Variants in ZMIZ1 observed in about 807,000 individuals in gnomAD.
The protein encoded by ZMIZ1 is zinc finger MIZ domain-containing protein 1.
ZMIZ1 carries 17 observed loss-of-function variants against 113.9 expected under a neutral mutation model. The ratio of observed to expected loss-of-function variants is 0.15; its 90% CI spans 0.10 to 0.22. The LOEUF (loss-of-function observed/expected upper bound fraction) is 0.22. ZMIZ1 is among the 10% of genes least tolerant of loss of function. ZMIZ1 has a pLI of 1.00. For synonymous variants in ZMIZ1, 607 were observed against 603.1 expected, an observed-to-expected ratio of 1.01 and a Z score of -0.09; for missense variants, 1,059 against 1,477.8, an observed-to-expected ratio of 0.72 and a Z score of 4.65.
chr10:79,258,969 A>G (rs1270799437), intron 7 of ZMIZ1, among the ~76,000 whole-genome samples: 1 of 152,198 alleles, frequency 6.6e-6, no homozygotes, highest in Non-Finnish European at 1.5e-5. Flanking sequence ...CCCTCTCCCA[A>G]GATAAATGTG....
chr10:79,117,697 C>T (rs548871291), intron 1 of ZMIZ1, among the ~76,000 whole-genome samples: 3 of 152,272 alleles, frequency 2.0e-5, no homozygotes, highest in African/African-American at 7.2e-5. Flanking sequence ...ACTATTCTTC[C>T]AAGTGGTGGG....
At chr10:79,108,962 G>T (rs1478972930) in intron 1 of ZMIZ1, among the ~76,000 whole-genome samples, 1 of 152,066 alleles carries the variant, frequency 6.6e-6, no homozygotes, top group Non-Finnish European at 1.5e-5. Flanking sequence ...CACGTGCTCT[G>T]TGTGCACCTG....
At chr10:79,113,568 C>G (rs1843845786) in intron 1 of ZMIZ1, among the ~76,000 whole-genome samples, 1 of 152,212 alleles carries the variant, frequency 6.6e-6, no homozygotes, top group South Asian at 2.1e-4. Flanking sequence ...CAGGCCCCCA[C>G]CCCACAGGCT....
intron 1 of ZMIZ1, among the ~76,000 whole-genome samples, chr10:79,071,297 ACTC>A (rs1020787952): frequency 1.3e-4 from 20 of 151,838 alleles, no homozygotes; most frequent in Non-Finnish European, 2.6e-4. Flanking sequence ...ACCAGTGCCG[ACTC>A]CTCCTCCCTG....
At chr10:79,142,736 C>T (rs780445066) in intron 3 of ZMIZ1, among the ~76,000 whole-genome samples, 7 of 152,240 alleles carry the variant, frequency 4.6e-5, no homozygotes, top group African/African-American at 1.4e-4. Context: ...CCTGGCCAAG[C>T]ATCTTGCCCT....
chr10:79,283,370 G>A (rs1852861475), intron 8 of ZMIZ1, among the ~76,000 whole-genome samples: 1 of 152,184 alleles, frequency 6.6e-6, no homozygotes, highest in South Asian at 2.1e-4. Flanking sequence ...TTCCTCATCT[G>A]TAGAAGGGGA....
In ZMIZ1 at chr10:79,166,542, C is replaced by G. The variant is rs755822682; in HGVS notation, c.-50+4409C>G. 3.3e-5 allele frequency among the ~76,000 whole-genome samples: 5 copies of G among 152,234 alleles called. 1 individual carries two copies. The highest frequency in any genetic ancestry group is 7.3e-5 in the Non-Finnish European group (5 of 68,044). ...AGCCCACCCTGCAGCTGCCCTGTACCGTCCTGGGCATGTGGGTTGCTGGCC... is the reference window on the plus strand; with the variant it reads ...AGCCCACCCTGCAGCTGCCCTGTACGGTCCTGGGCATGTGGGTTGCTGGCC... On this transcript the variant is annotated intron_variant, in intron 4 of 24. Coordinates refer to ENST00000334512, the MANE Select transcript of ZMIZ1 (RefSeq NM_020338.4).
chr10:79,069,688 T>C lies in ZMIZ1; in HGVS notation c.-337+418T>C, dbSNP rs1842187206. Among the ~76,000 whole-genome samples, 1 of 152,070 alleles carries C rather than the reference T, an allele frequency of 6.6e-6. No individual in the cohort carries two copies. Among genetic ancestry groups the C allele is most frequent in the Admixed American group, 6.5e-5 (1 of 15,282 alleles). On this transcript the variant is annotated intron_variant, in intron 1 of 24. Coordinates refer to ENST00000334512, the MANE Select transcript of ZMIZ1 (RefSeq NM_020338.4). The surrounding 1 kb of genome is among the most constrained non-coding windows in gnomAD (Gnocchi z 4.6). ...GTCTCCTTCGCCTCCTCTGGGGAGA[T>C]GCGAAGTTGTGCGCCTGTGTGTGTA...
At chr10:79,165,968 G>C (rs1564692758) in intron 4 of ZMIZ1, among the ~76,000 whole-genome samples, 8 of 146,834 alleles carry the variant, frequency 5.4e-5, no homozygotes, top group South Asian at 2.1e-4. Flanking sequence ...GTGTGTGTGT[G>C]TGTGTGTGTG....
chr10:79,150,832 C>T (rs974689273), intron 3 of ZMIZ1, among the ~76,000 whole-genome samples: 1 of 152,076 alleles, frequency 6.6e-6, no homozygotes, highest in African/African-American at 2.4e-5. Flanking sequence ...CTCAGCTCTG[C>T]TCAGGGAGCT....
At chr10:79,086,984 A>T (rs1842835118) in intron 1 of ZMIZ1, among the ~76,000 whole-genome samples, 1 of 152,364 alleles carries the variant, frequency 6.6e-6, no homozygotes, top group East Asian at 1.9e-4. Context: ...CCAAAAAGGC[A>T]GGGAGGGTTA....
chr10:79,120,678 C>T (rs11002832), intron 2 of ZMIZ1, among the ~76,000 whole-genome samples: 2 of 151,500 alleles, frequency 1.3e-5, no homozygotes, highest in African/African-American at 2.4e-5. Flanking sequence ...TGTAGATTGC[C>T]GAGAGCAATT....
Position 79,290,949 on chromosome 10 carries a change from C to T in ZMIZ1, c.541-10C>T, listed in dbSNP as rs1414889857. 6.2e-7 allele frequency: 1 copy of T among 1,611,558 alleles called. No homozygotes were observed. Among genetic ancestry groups the T allele is most frequent in the South Asian group, 1.1e-5 (1 of 90,928 alleles). On this transcript the variant is annotated splice_polypyrimidine_tract_variant and intron_variant, in intron 9 of 24. Transcript: ENST00000334512. ...AGCACCTTAGGTGACAACCACTTCTCTGCCCACAGGTCCTTGGGAACCCTA... is the reference window on the plus strand; with the variant it reads ...AGCACCTTAGGTGACAACCACTTCTTTGCCCACAGGTCCTTGGGAACCCTA...
Position 79,314,451 on chromosome 10 carries a change from G to A in ZMIZ1, c.*1702G>A. 2.9e-6 allele frequency: 1 copy of A among 346,630 alleles called. No homozygotes were observed. The highest frequency in any genetic ancestry group is 5.7e-6 in the Non-Finnish European group (1 of 174,906). The allele number at this position is 346,630 out of a possible 1,614,324, so 21.5% of individuals were successfully genotyped here. A position where few individuals can be genotyped will look rare whatever the true frequency, so the allele number is the denominator to read the frequency against. On this transcript the variant is annotated 3_prime_UTR_variant, in exon 25 of 25. Transcript: ENST00000334512. ...CCAGACGGCACAAGGTTTTCTGTAG[G>A]AAAGCTGCCATTGCCCCGGCCCCTT...
intron 22 of ZMIZ1, 70 bp from the exon 23 acceptor site, chr10:79,307,335 C>G (rs1589614300): frequency 1.3e-6 from 2 of 1,484,064 alleles, no homozygotes; most frequent in East Asian, 2.3e-5. Context: ...TTTACACACT[C>G]TCTGTTCCCT....
At chr10:79,228,393 G>A (rs1324551286) in intron 7 of ZMIZ1, among the ~76,000 whole-genome samples, 3 of 152,246 alleles carry the variant, frequency 2.0e-5, no homozygotes, top group Non-Finnish European at 4.4e-5. Context: ...TCAAGAGACT[G>A]GGGGAGGAGG....
intron 3 of ZMIZ1, among the ~76,000 whole-genome samples, chr10:79,157,649 GC>G (rs1845955962): frequency 6.6e-6 from 1 of 152,272 alleles, no homozygotes; most frequent in African/African-American, 2.4e-5. Flanking sequence ...CTGCACCCTG[GC>G]CCAGGCTGGG....
In ZMIZ1 at chr10:79,316,317, A is replaced by G. The variant is rs949648334; in HGVS notation, c.*3568A>G. 6.5e-6 allele frequency: 1 copy of G among 152,758 alleles called. No individual in the cohort carries two copies. Among genetic ancestry groups the G allele is most frequent in the Non-Finnish European group, 1.5e-5 (1 of 68,050 alleles). The allele number at this position is 152,758 out of a possible 1,614,324, so 9.5% of individuals were successfully genotyped here. A position where few individuals can be genotyped will look rare whatever the true frequency, so the allele number is the denominator to read the frequency against. On this transcript the variant is annotated 3_prime_UTR_variant, in exon 25 of 25. Transcript: ENST00000334512. Reference sequence around the variant, plus strand: ...TTTCTAGTCTTGCAAAGCTGTATGTAGTTAGATGATGTGACAACCTCTAAT... The same window carrying G: ...TTTCTAGTCTTGCAAAGCTGTATGTGGTTAGATGATGTGACAACCTCTAAT...
intron 4 of ZMIZ1, among the ~76,000 whole-genome samples, chr10:79,191,216 C>T (rs908562872): frequency 6.6e-6 from 1 of 152,124 alleles, no homozygotes; most frequent in East Asian, 1.9e-4. Flanking sequence ...TTAATCCTGC[C>T]CCTATTTGGA....
Sources: allele counts gnomAD v4.1 joint callset (sites outside exome capture counted in the v4.1 genomes callset), GRCh38; gene constraint gnomAD v4.1.1; non-coding constraint Gnocchi (gnomAD v3.1); transcripts MANE v1.5; gene names NCBI Gene and HGNC (gene_info 2026-07-23, HGNC 2026-07-21).